Variants in CYTH1 observed in about 807,000 individuals in gnomAD.
CYTH1 encodes the protein cytohesin 1.
CYTH1 carries 18 observed loss-of-function variants against 61.8 expected under a neutral mutation model. The ratio of observed to expected loss-of-function variants is 0.29; its 90% confidence interval spans 0.20 to 0.43. The LOEUF is 0.43. CYTH1 is among the 20% of genes least tolerant of loss of function. The probability of loss-of-function intolerance (pLI) is 1.00; values close to 1 mark genes in which losing one functional copy is unlikely to be tolerated. For missense variants in CYTH1, 336 were observed against 510.5 expected (o/e 0.66, Z 3.29); for synonymous variants, 174 against 184.3 (o/e 0.94, Z 0.45).
At chr17:78,698,171 A>G in intron 9 of CYTH1, 98 bp downstream of exon 9, 3 of 998,746 alleles carry the variant, frequency 3.0e-6, no homozygotes, top group Non-Finnish European at 4.7e-6. Context: ...ACGCACAAAC[A>G]CGCACACGCG....
At chr17:78,755,918 A>C (rs1404333118) in intron 1 of CYTH1, among the ~76,000 whole-genome samples, 2 of 151,948 alleles carry the variant, frequency 1.3e-5, no homozygotes, top group Admixed American at 1.3e-4. Context: ...CTCAAAAAAA[A>C]AACAAAACAA....
chr17:78,762,677 A>AC (rs1201827454), intron 1 of CYTH1, among the ~76,000 whole-genome samples: 3 of 152,322 alleles, frequency 2.0e-5, no homozygotes, highest in African/African-American at 7.2e-5. Flanking sequence ...CCAAGTGGGC[A>AC]CACGGATTCT....
At chr17:78,718,144 T>G (rs1327326734) in intron 1 of CYTH1, among the ~76,000 whole-genome samples, 2 of 151,590 alleles carry the variant, frequency 1.3e-5, no homozygotes, top group African/African-American at 4.9e-5. Context: ...CCAGCTGGCC[T>G]GCTGCCAACG....
intron 7 of CYTH1, among the ~76,000 whole-genome samples, chr17:78,699,230 TGCACGCGCCTGTAATCCCA>T (rs1267657165): frequency 6.6e-6 from 1 of 152,012 alleles, no homozygotes; most frequent in African/African-American, 2.4e-5. Context: ...CAGGCGTGGC[TGCACGCGCCTGTAATCCCA>T]GCAACTTGGG....
chr17:78,697,599 A>G (rs1287285720), intron 9 of CYTH1, among the ~76,000 whole-genome samples: 2 of 149,154 alleles, frequency 1.3e-5, no homozygotes, highest in East Asian at 2.0e-4. Context: ...ATTGAAAAGG[A>G]GGGGAAAAAA....
chr17:78,703,166 C>T (rs1382130573), intron 3 of CYTH1, among the ~76,000 whole-genome samples: 5 of 151,444 alleles, frequency 3.3e-5, no homozygotes. Context: ...GTAATCCCAG[C>T]ACTTTGGGAG....
intron 1 of CYTH1, among the ~76,000 whole-genome samples, chr17:78,730,545 A>T (rs183197972): frequency 6.6e-6 from 1 of 151,956 alleles, no homozygotes; most frequent in African/African-American, 2.4e-5. Flanking sequence ...TCAAAAAAAA[A>T]ACAACAGTCA....
At chr17:78,766,318 G>A (rs921666103) in intron 1 of CYTH1, among the ~76,000 whole-genome samples, 3 of 152,144 alleles carry the variant, frequency 2.0e-5, no homozygotes, top group Non-Finnish European at 4.4e-5. Flanking sequence ...CCCTGAAAAT[G>A]GCTGAGAGAC....
intron 3 of CYTH1, among the ~76,000 whole-genome samples, chr17:78,707,920 C>T (rs1015361386): frequency 6.6e-6 from 1 of 152,102 alleles, no homozygotes; most frequent in Admixed American, 6.6e-5. Flanking sequence ...ACCTCGTGAT[C>T]CACCTGCCTC....
intron 1 of CYTH1, among the ~76,000 whole-genome samples, chr17:78,770,288 A>C (rs1487608985): frequency 6.8e-6 from 1 of 147,144 alleles, no homozygotes; most frequent in Non-Finnish European, 1.5e-5. Flanking sequence ...GTGCCACTGC[A>C]CTCCAGCCTG....
intron 1 of CYTH1, among the ~76,000 whole-genome samples, chr17:78,777,737 A>G (rs921931208): frequency 6.6e-6 from 1 of 151,890 alleles, no homozygotes; most frequent in African/African-American, 2.4e-5. Flanking sequence ...CTGTAATCCC[A>G]GCACTTTGGG....
At chr17:78,747,358 T>C (rs2144660064) in intron 1 of CYTH1, among the ~76,000 whole-genome samples, 1 of 152,174 alleles carries the variant, frequency 6.6e-6, no homozygotes, top group South Asian at 2.1e-4. Context: ...GGAAGAGATC[T>C]GGGGAGACTC....
intron 11 of CYTH1, among the ~76,000 whole-genome samples, chr17:78,686,443 C>G (rs1470722703): frequency 2.0e-5 from 3 of 152,250 alleles, no homozygotes; most frequent in African/African-American, 7.2e-5. Context: ...CCTGGTTCTC[C>G]TCCTGTGAAT....
chr17:78,685,907 T>C (rs1211439983), intron 11 of CYTH1, among the ~76,000 whole-genome samples: 1 of 152,238 alleles, frequency 6.6e-6, no homozygotes, highest in East Asian at 1.9e-4. Context: ...GGAGATGATC[T>C]GCTTTTTCCA....
intron 3 of CYTH1, among the ~76,000 whole-genome samples, chr17:78,704,582 G>T (rs979659282): frequency 1.3e-5 from 2 of 152,148 alleles, no homozygotes; most frequent in Non-Finnish European, 1.5e-5. Context: ...GTACAGTGGT[G>T]TGACTGTGGC....
intron 5 of CYTH1, 49 bp downstream of exon 5, chr17:78,702,073 C>A (rs754015680): frequency 6.3e-6 from 9 of 1,430,022 alleles, no homozygotes; most frequent in African/African-American, 1.4e-5. Flanking sequence ...TTCTTTGTGT[C>A]GTTCCTGAAC....
intron 2 of CYTH1, chr17:78,709,366 G>A: frequency 2.7e-6 from 1 of 368,262 alleles, no homozygotes; most frequent in Non-Finnish European, 4.9e-6. Context: ...GGCAAACACA[G>A]CAGAGAGGAC....
At chr17:78,778,449 C>A (rs1224283201) in intron 1 of CYTH1, among the ~76,000 whole-genome samples, 1 of 151,196 alleles carries the variant, frequency 6.6e-6, no homozygotes, top group Middle Eastern at 3.2e-3. Context: ...ACCAGCCTGG[C>A]CAATATGGTG....
intron 1 of CYTH1, among the ~76,000 whole-genome samples, chr17:78,722,050 A>C (rs1230175319): frequency 1.3e-5 from 2 of 152,178 alleles, no homozygotes; most frequent in Non-Finnish European, 2.9e-5. Context: ...TCCATCTCAC[A>C]AAACAAAAAA....
Sources: gnomAD v4.1 joint callset for allele counts (sites outside exome capture counted in the v4.1 genomes callset) on GRCh38, gnomAD v4.1.1 for gene constraint, MANE v1.5 for transcripts, NCBI Gene and HGNC (gene_info 2026-07-23, HGNC 2026-07-21) for gene names.